LRRC7: variants seen among roughly 807,000 people sequenced by gnomAD.
LRRC7 encodes the protein leucine rich repeat containing 7.
Under a neutral mutation model 175.7 loss-of-function variants are expected in LRRC7, and 23 were observed. The observed-to-expected ratio is 0.13, with a 90% CI of 0.09 to 0.19. The LOEUF (loss-of-function observed/expected upper bound fraction) is 0.19. LRRC7 is among the 10% of genes least tolerant of loss of function. The probability of loss-of-function intolerance (pLI) is 1.00; values close to 1 mark genes in which losing one functional copy is unlikely to be tolerated. For missense variants in LRRC7, 1,354 were observed against 1,904.7 expected (o/e 0.71, Z 5.38); for synonymous variants, 685 against 680.9 (o/e 1.01, Z -0.09).
chr1:69,658,808 A>G (rs1657022548), intron 1 of LRRC7, among the ~76,000 whole-genome samples: 1 of 152,068 alleles, frequency 6.6e-6, no homozygotes. Context: ...TTCAGGAAAT[A>G]CACAATGGAA....
At chr1:69,723,285 C>T (rs1666571661) in intron 2 of LRRC7, among the ~76,000 whole-genome samples, 1 of 152,078 alleles carries the variant, frequency 6.6e-6, no homozygotes, top group South Asian at 2.1e-4. Context: ...TAGATGACTT[C>T]ATACGTTTTT....
At chr1:70,029,776 A>C (rs770297825) in intron 18 of LRRC7, among the ~76,000 whole-genome samples, 2 of 152,194 alleles carry the variant, frequency 1.3e-5, no homozygotes, top group Non-Finnish European at 2.9e-5. Flanking sequence ...ATTTTACTAT[A>C]AAATAAGAGT....
chr1:69,819,354 A>G (rs1678962175), intron 4 of LRRC7, among the ~76,000 whole-genome samples: 1 of 151,794 alleles, frequency 6.6e-6, no homozygotes, highest in Admixed American at 6.6e-5. Context: ...TGGTTTCCAC[A>G]TATTTGTGAA....
intron 1 of LRRC7, chr1:69,606,874 A>T (rs928320690): frequency 1.3e-5 from 2 of 152,140 alleles, no homozygotes; most frequent in African/African-American, 4.8e-5. Context: ...AGAAGATTTC[A>T]AGAAACAAAT....
At chr1:69,605,876 C>T (rs1474645766) in intron 1 of LRRC7, among the ~76,000 whole-genome samples, 1 of 151,920 alleles carries the variant, frequency 6.6e-6, no homozygotes, top group East Asian at 1.9e-4. Flanking sequence ...TTTTAGGACT[C>T]AATGAGAGTT....
chr1:69,928,254 A>G (rs373564274), intron 7 of LRRC7, among the ~76,000 whole-genome samples: 1 of 152,064 alleles, frequency 6.6e-6, no homozygotes, highest in Admixed American at 6.6e-5. Flanking sequence ...GGGGGTCAGG[A>G]GTCAGGGACC....
chr1:69,738,622 G>A lies in LRRC7; in HGVS notation c.101-21569G>A, dbSNP rs77939872. The stretch of plus-strand genomic sequence containing the variant: ...GCTGTATGAGCCCGTTGCTTAGGGA[G>A]ACTGAATAATACCCCTTTGAGAGAG... On this transcript the variant is annotated intron_variant, in intron 2 of 26. Transcript: ENST00000651989. Among the ~76,000 whole-genome samples the A allele has an allele frequency of 6.5e-3, 991 of 152,086 alleles. 14 individuals carry two copies. The highest frequency in any genetic ancestry group is 0.027 in the Middle Eastern group (8 of 294).
At chr1:69,876,351 G>A (rs1445880088) in intron 7 of LRRC7, among the ~76,000 whole-genome samples, 1 of 152,076 alleles carries the variant, frequency 6.6e-6, no homozygotes, top group Non-Finnish European at 1.5e-5. Context: ...GGCATGTTAG[G>A]CATAGTCAGT....
At chr1:70,061,646 A>T (rs551214929) in intron 23 of LRRC7, among the ~76,000 whole-genome samples, 74 of 152,202 alleles carry the variant, frequency 4.9e-4, no homozygotes, top group Non-Finnish European at 6.9e-4. Flanking sequence ...AACAGAAATT[A>T]TGCAGTTTTT....
Position 70,110,243 on chromosome 1 carries a change from A to G in LRRC7, c.4620+2417A>G, listed in dbSNP as rs1385799271. Among the ~76,000 whole-genome samples, 5 of 152,000 alleles carry G rather than the reference A, an allele frequency of 3.3e-5. No individual in the cohort carries two copies. In the East Asian group the frequency reaches 9.7e-4, roughly 29 times the overall value. ...GAAAATTTAAAAATTAACCAGGTGCAGTGGTGAGCACCTGTAATCCCAGCT... is the reference window on the plus strand; with the variant it reads ...GAAAATTTAAAAATTAACCAGGTGCGGTGGTGAGCACCTGTAATCCCAGCT... On this transcript the variant is annotated intron_variant, in intron 26 of 26. Transcript: ENST00000651989.
In LRRC7 at chr1:70,039,067, A is replaced by G. The variant is rs777162772; in HGVS notation, c.3243A>G (p.Lys1081=). 5.0e-6 allele frequency: 8 copies of G among 1,614,100 alleles called. No individual in the cohort carries two copies. Among genetic ancestry groups the G allele is most frequent in the Non-Finnish European group, 5.9e-6 (7 of 1,180,010 alleles). ...SFNPQGSVEV[K]AEKRIPPPFQ... is the part of the protein sequence containing the mutation. ...ATCCTCAAGGATCAGTGGAAGTGAA[A>G]GCCGAAAAGAGGATACCACCCCCTT... The change falls in exon 21 of 27, where the codon AAA becomes AAG. Residue 1081 remains lysine, a synonymous_variant. Coordinates refer to ENST00000651989, the MANE Select transcript of LRRC7 (RefSeq NM_001370785.2).
intron 4 of LRRC7, among the ~76,000 whole-genome samples, chr1:69,822,886 G>A (rs1326601683): frequency 1.3e-5 from 2 of 152,158 alleles, no homozygotes; most frequent in Non-Finnish European, 2.9e-5. Flanking sequence ...TAAACTGTGA[G>A]ATGTTAGAAA....
intron 7 of LRRC7, among the ~76,000 whole-genome samples, chr1:69,885,489 T>C (rs911453171): frequency 7.0e-6 from 1 of 143,266 alleles, no homozygotes; most frequent in Non-Finnish European, 1.5e-5. Context: ...TTACTGTGTC[T>C]ATTTGATTCT....
chr1:69,902,500 G>A (rs183155422), intron 7 of LRRC7, among the ~76,000 whole-genome samples: 1 of 152,262 alleles, frequency 6.6e-6, no homozygotes, highest in East Asian at 1.9e-4. Flanking sequence ...GAACCCAGGA[G>A]GTGGAGGTTG....
chr1:69,797,848 T>C (rs1426114424), intron 4 of LRRC7, among the ~76,000 whole-genome samples: 2 of 152,126 alleles, frequency 1.3e-5, no homozygotes, highest in Non-Finnish European at 2.9e-5. Flanking sequence ...GTACCCGCAA[T>C]TGACCTCTAT....
intron 23 of LRRC7, among the ~76,000 whole-genome samples, chr1:70,075,137 T>C (rs989446943): frequency 6.6e-6 from 1 of 152,190 alleles, no homozygotes; most frequent in Admixed American, 6.5e-5. Flanking sequence ...CACTAAAATA[T>C]ATGTTTAAAA....
At chr1:69,815,288 T>A (rs1678456228) in intron 4 of LRRC7, among the ~76,000 whole-genome samples, 1 of 152,102 alleles carries the variant, frequency 6.6e-6, no homozygotes, top group Admixed American at 6.6e-5. Context: ...AAAATAAAAA[T>A]TTGGGGAACT....
intron 8 of LRRC7, among the ~76,000 whole-genome samples, chr1:69,936,263 T>C (rs576153027): frequency 1.2e-4 from 18 of 152,254 alleles, no homozygotes; most frequent in African/African-American, 4.3e-4. Context: ...TTGATCAAGT[T>C]TCTCAAAAAG....
At chr1:69,760,483 T>C (rs1670918805) in intron 3 of LRRC7, 90 bp downstream of exon 3, 2 of 1,078,704 alleles carry the variant, frequency 1.9e-6, no homozygotes, top group East Asian at 5.2e-5. Context: ...AACTATGGGC[T>C]CCTATCTAGG....
Sources: gnomAD v4.1 joint callset for allele counts (sites outside exome capture counted in the v4.1 genomes callset) on GRCh38, gnomAD v4.1.1 for gene constraint, MANE v1.5 for transcripts, NCBI Gene and HGNC (gene_info 2026-07-23, HGNC 2026-07-21) for gene names.